ARHGAP18: variants seen among roughly 807,000 people sequenced by gnomAD.
ARHGAP18 encodes rho GTPase-activating protein 18.
A neutral mutation model predicts 86.2 loss-of-function variants in ARHGAP18; 67 were observed. That is an observed-to-expected ratio of 0.78 (90% CI 0.64 to 0.95). The LOEUF (loss-of-function observed/expected upper bound fraction) is 0.95. Ranked by LOEUF, ARHGAP18 falls within the 40% of genes least tolerant of loss-of-function variation. ARHGAP18 has a pLI of 0.00. For missense variants in ARHGAP18, 691 were observed against 780.4 expected, an observed-to-expected ratio of 0.89 and a Z score of 1.37; for synonymous variants, 283 against 280.4, an observed-to-expected ratio of 1.01 and a Z score of -0.09.
Position 129,642,107 on chromosome 6 carries a change from T to A in ARHGAP18, c.114-89A>T, listed in dbSNP as rs1333418335. 3 of 1,142,834 alleles carry A rather than the reference T, an allele frequency of 2.6e-6. No individual in the cohort carries two copies. In the African/African-American group the frequency reaches 4.7e-5, roughly 18 times the overall value. 70.8% of individuals were successfully genotyped at this position (1,142,834 alleles called of 1,614,324 possible). On this transcript the variant is annotated intron_variant, in intron 1 of 14. Coordinates refer to ENST00000368149, the MANE Select transcript of ARHGAP18 (RefSeq NM_033515.3). ...CATCACAGCAACAAGCTGGAGAATTTATTAACTCCTTAAGTTATCCTTAAT... is the reference window on the plus strand; with the variant it reads ...CATCACAGCAACAAGCTGGAGAATTAATTAACTCCTTAAGTTATCCTTAAT...
intron 1 of ARHGAP18, among the ~76,000 whole-genome samples, chr6:129,669,082 C>G (rs1415122678): frequency 6.6e-6 from 1 of 152,096 alleles, no homozygotes; most frequent in Non-Finnish European, 1.5e-5. Flanking sequence ...GTCTGTAGGA[C>G]AGGCTGTGTG....
intron 9 of ARHGAP18, among the ~76,000 whole-genome samples, chr6:129,607,433 T>G (rs982734122): frequency 1.3e-5 from 2 of 152,200 alleles, no homozygotes; most frequent in African/African-American, 2.4e-5. Flanking sequence ...TCCACACTTC[T>G]GCATGACAAC....
intron 10 of ARHGAP18, among the ~76,000 whole-genome samples, chr6:129,602,037 C>A (rs1262016675): frequency 6.6e-6 from 1 of 152,082 alleles, no homozygotes; most frequent in East Asian, 1.9e-4. Context: ...ACTCATTGTC[C>A]TCTGAAACTA....
intron 1 of ARHGAP18, among the ~76,000 whole-genome samples, chr6:129,708,938 A>G (rs939037624): frequency 1.3e-5 from 2 of 152,236 alleles, no homozygotes; most frequent in African/African-American, 2.4e-5. Flanking sequence ...AATGAAATAC[A>G]TACTGTGGAT....
intron 4 of ARHGAP18, among the ~76,000 whole-genome samples, chr6:129,631,616 T>C (rs1368929140): frequency 2.0e-5 from 3 of 152,134 alleles, no homozygotes; most frequent in Admixed American, 6.6e-5. Flanking sequence ...ATTTCTGTCA[T>C]CTAGTCTCTT....
intron 9 of ARHGAP18, 150 bp from the exon 10 acceptor site, chr6:129,606,109 G>A: frequency 1.4e-6 from 1 of 694,314 alleles, no homozygotes; most frequent in Non-Finnish European, 2.4e-6. Context: ...CTTGTTGAGA[G>A]TGTGTTTGTG....
chr6:129,676,571 A>G (rs1015734306), intron 1 of ARHGAP18, among the ~76,000 whole-genome samples: 3 of 152,190 alleles, frequency 2.0e-5, no homozygotes, highest in African/African-American at 7.2e-5. Context: ...CAATCTACTC[A>G]TGGAGCTTAA....
At chr6:129,663,320 CAT>C (rs1289369017) in intron 1 of ARHGAP18, among the ~76,000 whole-genome samples, 3 of 152,214 alleles carry the variant, frequency 2.0e-5, no homozygotes, top group Admixed American at 2.0e-4. Context: ...TGCTCAAAGA[CAT>C]ATGTGATAGA....
intron 12 of ARHGAP18, among the ~76,000 whole-genome samples, chr6:129,597,240 G>A (rs931310579): frequency 6.6e-6 from 1 of 151,518 alleles, no homozygotes; most frequent in African/African-American, 2.4e-5. Context: ...AGGTTCAAGC[G>A]ATTCTCCTGC....
intron 1 of ARHGAP18, among the ~76,000 whole-genome samples, chr6:129,657,396 A>G (rs920023220): frequency 1.0e-4 from 15 of 150,472 alleles, no homozygotes; most frequent in Admixed American, 1.3e-4. Context: ...GTGAGCTGGC[A>G]TTTTACACAC....
rs147048536 is a variant in ARHGAP18 at position 129,580,687 on chromosome 6, A to T, written c.1839-556T>A. Among the ~76,000 whole-genome samples the T allele has an allele frequency of 4.9e-3, 740 of 152,238 alleles. 7 individuals are homozygous for T. Among genetic ancestry groups the T allele is most frequent in the African/African-American group, 0.017 (702 of 41,548 alleles). ...AGATCGCTTGAGCCCAGTCTGGGCA[A>T]CATGGCAAAACCCCATTTCTACCCA... On this transcript the variant is annotated intron_variant, in intron 13 of 14. Coordinates refer to ENST00000368149, the MANE Select transcript of ARHGAP18 (RefSeq NM_033515.3).
At chr6:129,636,840 G>A (rs1177589724) in intron 3 of ARHGAP18, among the ~76,000 whole-genome samples, 2 of 152,214 alleles carry the variant, frequency 1.3e-5, no homozygotes, top group African/African-American at 4.8e-5. Flanking sequence ...TTGCACTCAA[G>A]CCAGAATGTA....
chr6:129,688,223 A>G (rs1046787299), intron 1 of ARHGAP18, among the ~76,000 whole-genome samples: 1 of 152,164 alleles, frequency 6.6e-6, no homozygotes, highest in African/African-American at 2.4e-5. Flanking sequence ...TTCAGAATGT[A>G]TTTACCTTTT....
At chr6:129,660,320 G>T (rs556220989) in intron 1 of ARHGAP18, among the ~76,000 whole-genome samples, 1 of 152,218 alleles carries the variant, frequency 6.6e-6, no homozygotes, top group Non-Finnish European at 1.5e-5. Context: ...AATCCAAAGG[G>T]CATTGGTAGA....
At chr6:129,699,901 T>C (rs187049812) in intron 1 of ARHGAP18, among the ~76,000 whole-genome samples, 1 of 152,314 alleles carries the variant, frequency 6.6e-6, no homozygotes, top group East Asian at 1.9e-4. Flanking sequence ...GGACATAGCT[T>C]CCTAGCCTAC....
chr6:129,627,741 A>C (rs1027132257), intron 5 of ARHGAP18, among the ~76,000 whole-genome samples: 3 of 152,112 alleles, frequency 2.0e-5, no homozygotes, highest in Non-Finnish European at 2.9e-5. Context: ...GTATTAACTA[A>C]TTGCAATACA....
rs111717033 is a variant in ARHGAP18, at chr6:129,580,193, T to G, written c.1839-62A>C. On this transcript the variant is annotated intron_variant, in intron 13 of 14. Coordinates refer to ENST00000368149, the MANE Select transcript of ARHGAP18 (RefSeq NM_033515.3). ...CAAACAGCTTGCAAGTAAATCACTT[T>G]AACGTGCTTGGGGAATTCTGGCTGG... 30 of 1,433,002 alleles carry G rather than the reference T, an allele frequency of 2.1e-5. No individual in the cohort carries two copies. The African/African-American group carries it at 3.4e-4, about 16-fold the overall frequency. The allele number at this position is 1,433,002 out of a possible 1,614,324, so 88.8% of individuals were successfully genotyped here. A position where few individuals can be genotyped will look rare whatever the true frequency, so the allele number is the denominator to read the frequency against.
chr6:129,599,151 A>G, intron 12 of ARHGAP18, 65 bp downstream of exon 12: 1 of 1,297,066 alleles, frequency 7.7e-7, no homozygotes, highest in Middle Eastern at 2.8e-4. Context: ...ACATTAAATA[A>G]AAAATTTTGG....
chr6:129,592,744 C>T (rs1788542593), intron 12 of ARHGAP18, among the ~76,000 whole-genome samples: 1 of 152,126 alleles, frequency 6.6e-6, no homozygotes, highest in South Asian at 2.1e-4. Flanking sequence ...AAACCTAAGT[C>T]ACAATAACCC....
Sources: gnomAD v4.1 joint callset for allele counts (sites outside exome capture counted in the v4.1 genomes callset) on GRCh38, gnomAD v4.1.1 for gene constraint, MANE v1.5 for transcripts, NCBI Gene and HGNC (gene_info 2026-07-23, HGNC 2026-07-21) for gene names.